Variants in PBX3 observed in about 807,000 individuals in gnomAD.
PBX3 encodes pre-B-cell leukemia transcription factor 3.
PBX3 carries 14 observed loss-of-function variants against 48.5 expected under a neutral mutation model. The ratio of observed to expected loss-of-function variants is 0.29; its 90% CI spans 0.19 to 0.45. The LOEUF (loss-of-function observed/expected upper bound fraction) is 0.45. Ranked by LOEUF, PBX3 falls within the 20% of genes least tolerant of loss-of-function variation. The pLI, the probability that PBX3 is intolerant of heterozygous loss-of-function variation, is 1.00. For synonymous variants in PBX3, 210 were observed against 200.3 expected, an observed-to-expected ratio of 1.05 and a Z score of -0.41; for missense variants, 386 against 546.7, an observed-to-expected ratio of 0.71 and a Z score of 2.93.
intron 6 of PBX3, among the ~76,000 whole-genome samples, chr9:125,961,501 T>G (rs1316553554): frequency 1.3e-5 from 2 of 152,234 alleles, no homozygotes; most frequent in Non-Finnish European, 2.9e-5. Context: ...GATGTGCAGC[T>G]AGTCCAAACA....
intron 5 of PBX3, among the ~76,000 whole-genome samples, chr9:125,950,661 T>G (rs1347215204): frequency 6.6e-6 from 1 of 152,126 alleles, no homozygotes; most frequent in African/African-American, 2.4e-5. Flanking sequence ...TTTGTATTTT[T>G]AGTAGAGACG....
chr9:125,842,763 C>A (rs946376673), intron 2 of PBX3, among the ~76,000 whole-genome samples: 1 of 152,136 alleles, frequency 6.6e-6, no homozygotes, highest in African/African-American at 2.4e-5. Flanking sequence ...TGGGCTTTGC[C>A]TCCTACTTGA....
chr9:125,767,799 A>G (rs1242085963), intron 2 of PBX3, among the ~76,000 whole-genome samples: 1 of 152,178 alleles, frequency 6.6e-6, no homozygotes. Flanking sequence ...CTTTCTACCC[A>G]GTGGTTCTAC....
chr9:125,747,799 G>T (rs565180501), intron 1 of PBX3, 146 bp downstream of exon 1: 1 of 568,270 alleles, frequency 1.8e-6, no homozygotes, highest in African/African-American at 2.0e-5. Flanking sequence ...CCCCGGCCTC[G>T]GGGGGACTTG....
chr9:125,781,898 T>C (rs1837329891), intron 2 of PBX3, among the ~76,000 whole-genome samples: 1 of 152,136 alleles, frequency 6.6e-6, no homozygotes, highest in South Asian at 2.1e-4. Context: ...TTTTCCTAAG[T>C]ATGTCCTATA....
At chr9:125,949,356 C>T (rs1842138436) in intron 5 of PBX3, 1 of 1,550,498 alleles carries the variant, frequency 6.4e-7, no homozygotes, top group Non-Finnish European at 8.7e-7. Flanking sequence ...ATTCAACCTA[C>T]ATTTTCTTGC....
intron 2 of PBX3, among the ~76,000 whole-genome samples, chr9:125,790,847 C>T (rs918796962): frequency 6.6e-6 from 1 of 152,114 alleles, no homozygotes; most frequent in South Asian, 2.1e-4. Flanking sequence ...AGCCACCGTT[C>T]CCTGCTGAAT....
At chr9:125,955,257 C>T (rs1334968873) in intron 5 of PBX3, among the ~76,000 whole-genome samples, 2 of 152,096 alleles carry the variant, frequency 1.3e-5, no homozygotes, top group Admixed American at 1.3e-4. Context: ...TTCAGGCTTT[C>T]CCTTGCCCAG....
chr9:125,810,386 G>A (rs1838255416), intron 2 of PBX3, among the ~76,000 whole-genome samples: 1 of 151,970 alleles, frequency 6.6e-6, no homozygotes, highest in Admixed American at 6.6e-5. Context: ...GTGTGTGTGT[G>A]TGTGTGTGTG....
chr9:125,748,225 C>T (rs867475977), intron 1 of PBX3: 30 of 1,017,300 alleles, frequency 2.9e-5, no homozygotes, highest in Admixed American at 5.6e-5. Flanking sequence ...ACGCGGGAGC[C>T]CCTCCGCACC....
At chr9:125,784,579 T>C (rs1337101476) in intron 2 of PBX3, among the ~76,000 whole-genome samples, 2 of 152,242 alleles carry the variant, frequency 1.3e-5, no homozygotes, top group African/African-American at 2.4e-5. Flanking sequence ...GCAAAAATTA[T>C]TTTTGTAAAG....
At chr9:125,922,378 C>T (rs1358272673) in intron 3 of PBX3, among the ~76,000 whole-genome samples, 2 of 152,116 alleles carry the variant, frequency 1.3e-5, no homozygotes, top group Non-Finnish European at 2.9e-5. Context: ...AAAAATGCAT[C>T]CTAGGTAGTT....
At chr9:125,748,687 C>G (rs1364472663) in intron 2 of PBX3, 64 bp downstream of exon 2, 2 of 1,253,016 alleles carry the variant, frequency 1.6e-6, no homozygotes, top group Non-Finnish European at 2.3e-6. Flanking sequence ...GCTACTCCTT[C>G]GACTCTCCAG....
chr9:125,949,460 C>T lies in PBX3; in HGVS notation c.844-11224C>T, dbSNP rs201833810. On this transcript the variant is annotated intron_variant, in intron 5 of 8. Transcript: ENST00000373489. ...AGCGTGGTAAGTATTCACAGGCTCC[C>T]TGAAGGTATGAGCCAGGGAGGGGCA... 2,925 of 1,550,406 alleles carry T rather than the reference C, an allele frequency of 1.9e-3. 4 individuals are homozygous for T. The highest frequency in any genetic ancestry group is 2.4e-3 in the Non-Finnish European group (2,716 of 1,146,948).
In PBX3 at chr9:125,960,871, C is replaced by A. The variant is rs746693726; in HGVS notation, c.1009+22C>A. 6.2e-6 allele frequency: 10 copies of A among 1,606,668 alleles called. No individual in the cohort carries two copies. The African/African-American group carries it at 1.3e-4, about 21-fold the overall frequency. On this transcript the variant is annotated intron_variant, in intron 6 of 8. Transcript: ENST00000373489. ...TCCGGTGCGTACTGGGGGCTCGCTC[C>A]CCAACTGGCCCAGGCAGCCTTATGC...
chr9:125,778,700 C>T (rs187576927), intron 2 of PBX3, among the ~76,000 whole-genome samples: 201 of 149,356 alleles, frequency 1.3e-3, no homozygotes, highest in Admixed American at 4.4e-3. Context: ...GTAGACACAG[C>T]CCGTGTCTCC....
chr9:125,929,546 C>T, intron 3 of PBX3, 109 bp from the exon 4 acceptor site: 1 of 706,652 alleles, frequency 1.4e-6, no homozygotes, highest in Non-Finnish European at 2.4e-6. Context: ...ACCCTACACA[C>T]TGTATAATGC....
intron 2 of PBX3, among the ~76,000 whole-genome samples, chr9:125,810,365 AGTGTGTGTGTGT>A (rs113025234): frequency 6.9e-6 from 1 of 145,416 alleles, no homozygotes; most frequent in Non-Finnish European, 1.5e-5. Flanking sequence ...AGCAGGAATG[AGTGTGTGTGTGT>A]GTGTGTGTGT....
intron 4 of PBX3, among the ~76,000 whole-genome samples, chr9:125,931,656 A>T (rs1223243248): frequency 6.6e-6 from 1 of 152,156 alleles, no homozygotes; most frequent in Admixed American, 6.5e-5. Context: ...GGTACTGAGG[A>T]TATATTGGTA....
Sources: allele counts gnomAD v4.1 joint callset (sites outside exome capture counted in the v4.1 genomes callset), GRCh38; gene constraint gnomAD v4.1.1; transcripts MANE v1.5; gene names NCBI Gene and HGNC (gene_info 2026-07-23, HGNC 2026-07-21).